Variants in CHRNA5 observed in about 807,000 individuals in gnomAD.
CHRNA5 encodes the protein cholinergic receptor nicotinic alpha 5 subunit.
Under a neutral mutation model 41.2 loss-of-function variants are expected in CHRNA5, and 28 were observed. That is an observed-to-expected ratio of 0.68 (90% CI 0.50 to 0.93). CHRNA5 has a LOEUF of 0.93. CHRNA5 is among the 40% of genes least tolerant of loss of function. The pLI, the probability that CHRNA5 is intolerant of heterozygous loss-of-function variation, is 0.00. For missense variants in CHRNA5, 481 were observed against 581.9 expected (o/e 0.83, Z 1.78); for synonymous variants, 188 against 205.8 (o/e 0.91, Z 0.74).
intron 2 of CHRNA5, among the ~76,000 whole-genome samples, chr15:78,584,485 T>C (rs1473209028): frequency 6.6e-6 from 1 of 152,274 alleles, no homozygotes; most frequent in African/African-American, 2.4e-5. Context: ...GAGCACATTA[T>C]AGATGCTTGG....
chr15:78,579,786 C>T (rs145087667), intron 1 of CHRNA5, among the ~76,000 whole-genome samples: 359 of 152,278 alleles, frequency 2.4e-3, no homozygotes, highest in African/African-American at 8.2e-3. Context: ...TGAGTAGCAT[C>T]AGTAGATTGG....
chr15:78,579,533 C>T (rs1282443926), intron 1 of CHRNA5, among the ~76,000 whole-genome samples: 4 of 152,168 alleles, frequency 2.6e-5, no homozygotes, highest in Non-Finnish European at 2.9e-5. Flanking sequence ...GGATTACAGA[C>T]GTGAGCCACC....
At chr15:78,577,692 G>A (rs879777286) in intron 1 of CHRNA5, among the ~76,000 whole-genome samples, 2 of 152,078 alleles carry the variant, frequency 1.3e-5, no homozygotes, top group African/African-American at 2.4e-5. Flanking sequence ...CAGCACTTTG[G>A]GAGGCAGAGG....
intron 4 of CHRNA5, 81 bp from the exon 5 acceptor site, chr15:78,589,724 C>T (rs909730253): frequency 8.1e-5 from 91 of 1,122,842 alleles, no homozygotes; most frequent in Non-Finnish European, 7.6e-6. Flanking sequence ...GATAGGCCTG[C>T]TTTTATATTA....
intron 5 of CHRNA5, 107 bp from the exon 6 acceptor site, chr15:78,592,985 A>G (rs1025964748): frequency 7.3e-7 from 1 of 1,367,534 alleles, no homozygotes; most frequent in African/African-American, 1.5e-5. Flanking sequence ...AGAGGCAGCA[A>G]TGGGAGGCAG....
Position 78,588,644 on chromosome 15 carries a change from A to AG in CHRNA5, c.413+227dup, listed in dbSNP as rs2052983097. ...TCACAGAGCTAGCACATGGCAGAGTAGGGGGGTCACACCAAGGGGACTGAT... is the reference window on the plus strand; with the variant it reads ...TCACAGAGCTAGCACATGGCAGAGTAGGGGGGGTCACACCAAGGGGACTGAT... On this transcript the variant is annotated intron_variant, in intron 4 of 5. Transcript: ENST00000299565. This position sits in a 1 kb window ranked among gnomAD's most constrained non-coding sequence, Gnocchi z 4.1. Among the ~76,000 whole-genome samples, 3 of 152,200 alleles carry AG rather than the reference A, an allele frequency of 2.0e-5. No individual in the cohort carries two copies. The highest frequency in any genetic ancestry group is 2.9e-5 in the Non-Finnish European group (2 of 68,024).
intron 1 of CHRNA5, among the ~76,000 whole-genome samples, chr15:78,580,039 G>A (rs574199651): frequency 1.3e-5 from 2 of 152,138 alleles, no homozygotes; most frequent in South Asian, 2.1e-4. Flanking sequence ...CAGCACTATG[G>A]GAGGCTGAGG....
At position 78,573,779 on chromosome 15, in the gene CHRNA5, A is replaced by G. The variant is rs146712589; in HGVS notation, c.107-7032A>G. ...AAAAATGCCAGAGCAAAGCACTATC[A>G]AATGTTCCTAGAATTTTTTTTTTTT... is the stretch of plus-strand genomic sequence containing the variant. On this transcript the variant is annotated intron_variant, in intron 1 of 5. Transcript: ENST00000299565. Among the ~76,000 whole-genome samples the G allele has an allele frequency of 3.5e-3, 530 of 151,286 alleles. 2 individuals are homozygous for G. The highest frequency in any genetic ancestry group is 0.012 in the African/African-American group (489 of 40,888).
chr15:78,593,113 A>G (rs1372664585), exon 6 of CHRNA5: 3 of 1,609,488 alleles, frequency 1.9e-6, no homozygotes, highest in Admixed American at 1.7e-5. Flanking sequence ...TTGGAAATTC[A>G]TAGCCCAGGT....
intron 1 of CHRNA5, among the ~76,000 whole-genome samples, chr15:78,575,463 A>G (rs1284403905): frequency 6.6e-6 from 1 of 152,006 alleles, no homozygotes; most frequent in Non-Finnish European, 1.5e-5. Flanking sequence ...TTTATATGCT[A>G]TTAGCAGGTT....
chr15:78,581,975 AT>A (rs1395974020), intron 2 of CHRNA5, among the ~76,000 whole-genome samples: 2 of 152,178 alleles, frequency 1.3e-5, no homozygotes, highest in Non-Finnish European at 2.9e-5. Flanking sequence ...TTTTCTTATT[AT>A]AATTAACAAT....
chr15:78,584,057 C>G (rs2052937179), intron 2 of CHRNA5, among the ~76,000 whole-genome samples: 1 of 152,122 alleles, frequency 6.6e-6, no homozygotes, highest in Admixed American at 6.6e-5. Flanking sequence ...GGAAGGGTTG[C>G]TTCTTGAGAG....
chr15:78,580,700 G>A (rs2052904095), intron 1 of CHRNA5, 111 bp from the exon 2 acceptor site: 5 of 796,904 alleles, frequency 6.3e-6, no homozygotes, highest in Middle Eastern at 3.9e-4. Context: ...GCAGTGGCCC[G>A]ATCTTGGCTC....
chr15:78,566,463 A>G (rs2052748589), intron 1 of CHRNA5, among the ~76,000 whole-genome samples: 1 of 152,190 alleles, frequency 6.6e-6, no homozygotes, highest in African/African-American at 2.4e-5. Context: ...TGGAAACAAC[A>G]AAAGAAATCG....
rs778735334 is a variant in CHRNA5, at chr15:78,590,517, CAGAA to C, written c.1130_1133del (p.Lys377ArgfsTer31). The C allele has an allele frequency of 1.2e-6, 2 of 1,614,144 alleles. No individual in the cohort carries two copies. The highest frequency in any genetic ancestry group is 1.7e-5 in the Admixed American group (1 of 60,022). On this transcript the variant is annotated frameshift_variant, in exon 5 of 6. Coordinates refer to ENST00000299565, the Ensembl canonical transcript of CHRNA5. LOFTEE classifies it high-confidence loss of function. The stretch of plus-strand genomic sequence containing the variant: ...AAGTCATGTAGACAGGTACTTCACT[CAGAA>C]AGAGGAAACTGAGAGTGGTAGTGGA...
chr15:78,579,167 A>G (rs998394113), intron 1 of CHRNA5, among the ~76,000 whole-genome samples: 2 of 151,656 alleles, frequency 1.3e-5, no homozygotes, highest in Non-Finnish European at 2.9e-5. Context: ...TTCATTTTAC[A>G]TTGGGCCCTG....
Position 78,583,269 on chromosome 15 carries a change from AAG to A in CHRNA5, c.258+2313_258+2314del, listed in dbSNP as rs368955518. ...TAATGTACATGGTTTTGAGGAGTGA[AAG>A]AGAGACTAGAAAATGAAAGGCAAGT... On this transcript the variant is annotated intron_variant, in intron 2 of 5. Coordinates refer to ENST00000299565, the Ensembl canonical transcript of CHRNA5. 4.6e-5 allele frequency among the ~76,000 whole-genome samples: 7 copies of A among 152,342 alleles called. No homozygotes were observed. The South Asian group carries it at 1.2e-3, about 27-fold the overall frequency.
In CHRNA5 at chr15:78,585,791, C is replaced by CCTTTTTT. The variant is rs1555415937; in HGVS notation, c.259-854_259-853insCTTTTTT. ...TTTTTCTTTTTCTTTTCTTTTCTTT[C>CCTTTTTT]TTTTTTTTTTTGAGATGGAGTCTCG... On this transcript the variant is annotated intron_variant, in intron 2 of 5. Coordinates refer to ENST00000299565, the Ensembl canonical transcript of CHRNA5. 4.0e-3 allele frequency among the ~76,000 whole-genome samples: 523 copies of CCTTTTTT among 130,606 alleles called. 25 individuals carry two copies. In the East Asian group the frequency reaches 0.075, roughly 19 times the overall value. 85.7% of individuals were successfully genotyped at this position (130,606 alleles called of 152,430 possible). A position where few individuals can be genotyped will look rare whatever the true frequency, so the allele number is the denominator to read the frequency against.
intron 2 of CHRNA5, among the ~76,000 whole-genome samples, chr15:78,585,016 T>G (rs961006291): frequency 2.0e-5 from 3 of 152,146 alleles, no homozygotes; most frequent in Non-Finnish European, 4.4e-5. Context: ...GCCTTCCAGA[T>G]TCAAGCGGTT....
Sources: allele counts gnomAD v4.1 joint callset (sites outside exome capture counted in the v4.1 genomes callset), GRCh38; gene constraint gnomAD v4.1.1; non-coding constraint Gnocchi (gnomAD v3.1); transcripts MANE v1.5; gene names NCBI Gene and HGNC (gene_info 2026-07-23, HGNC 2026-07-21).